Variants in DSCAM observed in about 807,000 individuals in gnomAD.
DSCAM encodes the protein DS cell adhesion molecule.
Under a neutral mutation model 217.7 loss-of-function variants are expected in DSCAM, and 47 were observed. The observed-to-expected ratio is 0.22, with a 90% confidence interval of 0.17 to 0.28. The LOEUF is 0.28. Among genes scored for constraint, DSCAM ranks in the 10% least tolerant of loss-of-function variants. The probability of loss-of-function intolerance (pLI) is 1.00; values close to 1 mark genes in which losing one functional copy is unlikely to be tolerated. For missense variants in DSCAM, 2,080 were observed against 2,618.3 expected (o/e 0.79, Z 4.49); for synonymous variants, 1,056 against 1,015.3 (o/e 1.04, Z -0.76).
chr21:40,615,120 A>G (rs996265213), intron 3 of DSCAM, among the ~76,000 whole-genome samples: 4 of 151,702 alleles, frequency 2.6e-5, no homozygotes, highest in African/African-American at 7.3e-5. Flanking sequence ...CCTGACCAAC[A>G]TGGCGAAACC....
chr21:40,649,269 C>T (rs1414826627), intron 3 of DSCAM, among the ~76,000 whole-genome samples: 1 of 152,184 alleles, frequency 6.6e-6, no homozygotes, highest in South Asian at 2.1e-4. Context: ...AGCCCCCACC[C>T]TGTTGGGTTG....
chr21:40,013,172 G>A lies in DSCAM; in HGVS notation c.5901C>T (p.Ala1967=), dbSNP rs772161625. The change falls in exon 33 of 33, where the codon GCC becomes GCT. Residue 1967 remains alanine, a synonymous_variant. Transcript: ENST00000400454. ...TREGQSWQPG[A]VATLPQREGA... ...CCTCCCGCTGAGGTAATGTGGCCAC[G>A]GCCCCCGGCTGCCACGACTGTCCTT... 6.2e-7 allele frequency: 1 copy of A among 1,613,534 alleles called. No individual in the cohort carries two copies. Among genetic ancestry groups the A allele is most frequent in the Admixed American group, 1.7e-5 (1 of 59,970 alleles).
intron 3 of DSCAM, among the ~76,000 whole-genome samples, chr21:40,517,911 T>G (rs147659348): frequency 6.8e-4 from 103 of 152,210 alleles, no homozygotes; most frequent in African/African-American, 2.4e-3. Flanking sequence ...AGTGCTCTCA[T>G]TTTTCATCAC....
At chr21:40,798,007 G>A (rs1038871137) in intron 1 of DSCAM, among the ~76,000 whole-genome samples, 2 of 151,744 alleles carry the variant, frequency 1.3e-5, no homozygotes, top group African/African-American at 4.8e-5. Context: ...AACTCACAAT[G>A]TAAGTATGTG....
At chr21:40,493,472 T>G (rs2076092109) in intron 3 of DSCAM, among the ~76,000 whole-genome samples, 1 of 152,202 alleles carries the variant, frequency 6.6e-6, no homozygotes, top group Non-Finnish European at 1.5e-5. Context: ...ATATCTTTAG[T>G]ATGAAGGTTC....
chr21:40,167,542 C>A (rs759926880), intron 15 of DSCAM, among the ~76,000 whole-genome samples: 2 of 152,150 alleles, frequency 1.3e-5, no homozygotes, highest in Admixed American at 1.3e-4. Flanking sequence ...TCTTTGACAA[C>A]CTCGTGAATC....
chr21:40,228,369 G>A (rs887676578), intron 11 of DSCAM, among the ~76,000 whole-genome samples: 7 of 152,052 alleles, frequency 4.6e-5, no homozygotes, highest in African/African-American at 1.2e-4. Flanking sequence ...GAATTCTTTC[G>A]TCAGGAAAAT....
intron 3 of DSCAM, among the ~76,000 whole-genome samples, chr21:40,524,412 A>G (rs953023197): frequency 3.9e-5 from 6 of 152,080 alleles, no homozygotes; most frequent in Admixed American, 2.0e-4. Context: ...AATTTAAAAT[A>G]TTAGATATTC....
intron 3 of DSCAM, chr21:40,615,390 GCTTT>G (rs1011323277): frequency 3.3e-5 from 5 of 150,974 alleles, no homozygotes; most frequent in Non-Finnish European, 5.9e-5. Context: ...ATTTTTATCA[GCTTT>G]ATTTTTTTTT....
chr21:40,315,598 T>C (rs991658812), intron 8 of DSCAM, among the ~76,000 whole-genome samples: 6 of 152,162 alleles, frequency 3.9e-5, no homozygotes, highest in African/African-American at 1.4e-4. Flanking sequence ...GTGTTTTCTA[T>C]AATTCCAAAA....
intron 3 of DSCAM, among the ~76,000 whole-genome samples, chr21:40,629,098 TG>T (rs2089651936): frequency 7.1e-6 from 1 of 141,210 alleles, no homozygotes; most frequent in African/African-American, 2.9e-5. Flanking sequence ...TGTGTGTGTG[TG>T]TGTGTGTGTG....
chr21:40,161,606 C>T (rs1312669809), intron 16 of DSCAM, among the ~76,000 whole-genome samples: 3 of 152,178 alleles, frequency 2.0e-5, no homozygotes, highest in African/African-American at 7.2e-5. Flanking sequence ...AAAGAACAAT[C>T]TTACTTTATA....
intron 3 of DSCAM, among the ~76,000 whole-genome samples, chr21:40,602,218 G>T (rs1227175005): frequency 5.3e-5 from 8 of 151,854 alleles, no homozygotes; most frequent in Admixed American, 2.6e-4. Flanking sequence ...GTGCCTCCAT[G>T]CTCAGATAAT....
chr21:40,274,370 T>C (rs1285696325), intron 11 of DSCAM, among the ~76,000 whole-genome samples: 2 of 152,226 alleles, frequency 1.3e-5, no homozygotes, highest in Non-Finnish European at 2.9e-5. Context: ...TTCTATCTTC[T>C]TCCTGGTTAT....
chr21:40,176,991 C>G (rs1015951367), intron 15 of DSCAM, among the ~76,000 whole-genome samples: 1 of 152,190 alleles, frequency 6.6e-6, no homozygotes, highest in African/African-American at 2.4e-5. Flanking sequence ...CAAAATGCAC[C>G]ACCGGAAAAA....
chr21:40,467,453 G>A (rs1367592485), intron 3 of DSCAM, among the ~76,000 whole-genome samples: 2 of 152,180 alleles, frequency 1.3e-5, no homozygotes, highest in African/African-American at 4.8e-5. Context: ...GAAAGAATAA[G>A]TGTTCTGTTT....
At chr21:40,331,572 G>A (rs998642289) in intron 8 of DSCAM, among the ~76,000 whole-genome samples, 2 of 152,216 alleles carry the variant, frequency 1.3e-5, no homozygotes, top group African/African-American at 4.8e-5. Context: ...GTGCAGAACA[G>A]TGTCCCTGTT....
intron 3 of DSCAM, among the ~76,000 whole-genome samples, chr21:40,640,292 A>C (rs2089862141): frequency 6.6e-6 from 1 of 151,202 alleles, no homozygotes; most frequent in Non-Finnish European, 1.5e-5. Flanking sequence ...CTTTCTCCCC[A>C]GCGGAGGGAG....
intron 11 of DSCAM, among the ~76,000 whole-genome samples, chr21:40,254,593 G>C (rs917577965): frequency 6.6e-6 from 1 of 152,174 alleles, no homozygotes. Flanking sequence ...CAAGGTGACT[G>C]GTTCACGGGG....
Sources: allele counts gnomAD v4.1 joint callset (sites outside exome capture counted in the v4.1 genomes callset), GRCh38; gene constraint gnomAD v4.1.1; transcripts MANE v1.5; gene names NCBI Gene and HGNC (gene_info 2026-07-23, HGNC 2026-07-21).